AGAP1: variants seen among roughly 807,000 people sequenced by gnomAD.
The protein encoded by AGAP1 is ArfGAP with GTPase domain, ankyrin repeat and PH domain 1.
AGAP1 carries 29 observed loss-of-function variants against 105.3 expected under a neutral mutation model. The ratio of observed to expected loss-of-function variants is 0.28; its 90% confidence interval spans 0.21 to 0.38. AGAP1 has a LOEUF of 0.38. AGAP1 is among the 10% of genes least tolerant of loss of function. The pLI is 1.00. For missense variants in AGAP1, 998 were observed against 1,165.1 expected (o/e 0.86, Z 2.09); for synonymous variants, 509 against 485.9 (o/e 1.05, Z -0.63).
chr2:235,969,747 C>T lies in AGAP1; in HGVS notation c.1645+1124C>T, dbSNP rs570521343. Among the ~76,000 whole-genome samples the T allele has an allele frequency of 2.3e-4, 35 of 152,182 alleles. No individual in the cohort carries two copies. The East Asian group carries it at 3.5e-3, about 15-fold the overall frequency. ...GGTGTGCTGTGTGTTTCCATAACAC[C>T]GGAGGCAGGGAGCATCATTTCTTTC... On this transcript the variant is annotated intron_variant, in intron 13 of 17. Coordinates refer to ENST00000304032, the MANE Select transcript of AGAP1 (RefSeq NM_001037131.3).
rs562998581 is a variant in AGAP1, at chr2:235,973,569, G to A, written c.1645+4946G>A. Among the ~76,000 whole-genome samples, 1 of 152,216 alleles carries A rather than the reference G, an allele frequency of 6.6e-6. No individual in the cohort carries two copies. Among genetic ancestry groups the A allele is most frequent in the Non-Finnish European group, 1.5e-5 (1 of 68,038 alleles). ...CGTGCAGTGACCAGAGAGAAGGGTG[G>A]TGATGAGGATGAGGGCCATGAGGCA... On this transcript the variant is annotated intron_variant, in intron 13 of 17. Coordinates refer to ENST00000304032, the MANE Select transcript of AGAP1 (RefSeq NM_001037131.3). The surrounding 1 kb of genome is among the most constrained non-coding windows in gnomAD (Gnocchi z 4.7).
At chr2:235,677,774 C>T (rs957402431) in intron 1 of AGAP1, among the ~76,000 whole-genome samples, 1 of 151,876 alleles carries the variant, frequency 6.6e-6, no homozygotes, top group Non-Finnish European at 1.5e-5. Flanking sequence ...TGCCGCCAGC[C>T]TTTCTGATGC....
At position 235,720,311 on chromosome 2, in the gene AGAP1, TG is replaced by T. The variant is rs1300410669; in HGVS notation, c.310+2670del. Among the ~76,000 whole-genome samples, 1 of 152,166 alleles carries T rather than the reference TG, an allele frequency of 6.6e-6. No individual in the cohort carries two copies. The highest frequency in any genetic ancestry group is 2.4e-5 in the African/African-American group (1 of 41,448). On this transcript the variant is annotated intron_variant, in intron 3 of 17. Coordinates refer to ENST00000304032, the MANE Select transcript of AGAP1 (RefSeq NM_001037131.3). This position sits in a 1 kb window ranked among gnomAD's most constrained non-coding sequence, Gnocchi z 5.0. ...GAGAAGCTTTAGGTATAGAGTGTTGTGGGTTTGGGATATAATTTACTGTGTT... is the reference window on the plus strand; with the variant it reads ...GAGAAGCTTTAGGTATAGAGTGTTGTGGTTTGGGATATAATTTACTGTGTT...
intron 1 of AGAP1, among the ~76,000 whole-genome samples, chr2:235,654,106 CAGA>C (rs1947699265): frequency 6.6e-6 from 1 of 152,176 alleles, no homozygotes; most frequent in South Asian, 2.1e-4. Flanking sequence ...AATACAGAAG[CAGA>C]AGAAGAATCT....
At chr2:235,602,711 C>CT (rs60766675) in intron 1 of AGAP1, among the ~76,000 whole-genome samples, 7 of 151,670 alleles carry the variant, frequency 4.6e-5, no homozygotes, top group African/African-American at 7.3e-5. Context: ...ATTTCTTTTT[C>CT]TTTTTTTTGA....
rs1357573356 is a variant in AGAP1 at position 235,551,525 on chromosome 2, C to T, written c.163+56676C>T. ...TGATACTCAGATTGGTCTCTAACTC[C>T]TGGGCTCAAGGGATACACCTACCTC... On this transcript the variant is annotated intron_variant, in intron 1 of 17. Transcript: ENST00000304032. The surrounding 1 kb of genome is among the most constrained non-coding windows in gnomAD (Gnocchi z 4.8). Among the ~76,000 whole-genome samples, 1 of 152,176 alleles carries T rather than the reference C, an allele frequency of 6.6e-6. No homozygotes were observed. The highest frequency in any genetic ancestry group is 1.5e-5 in the Non-Finnish European group (1 of 68,038).
chr2:235,679,889 T>C (rs1948967160), intron 1 of AGAP1, among the ~76,000 whole-genome samples: 1 of 152,228 alleles, frequency 6.6e-6, no homozygotes, highest in Admixed American at 6.5e-5. Flanking sequence ...GTAGTAAAGG[T>C]CATTTGGTGA....
Position 235,830,386 on chromosome 2 carries a change from T to G in AGAP1, c.1050+23055T>G, listed in dbSNP as rs891018971. Among the ~76,000 whole-genome samples the G allele has an allele frequency of 1.3e-5, 2 of 152,214 alleles. No individual in the cohort carries two copies. The highest frequency in any genetic ancestry group is 2.9e-5 in the Non-Finnish European group (2 of 68,032). On this transcript the variant is annotated intron_variant, in intron 9 of 17. Transcript: ENST00000304032. This position sits in a 1 kb window ranked among gnomAD's most constrained non-coding sequence, Gnocchi z 5.5. Reference sequence around the variant, plus strand: ...TGTCACTTAGCAGTGTCCACTGTCTTTCTTCAAATCAAGGCCAGTGAATTT... The same window carrying G: ...TGTCACTTAGCAGTGTCCACTGTCTGTCTTCAAATCAAGGCCAGTGAATTT...
rs1941227547 is a variant in AGAP1 at position 235,494,658 on chromosome 2, C to G, written c.-29C>G. On this transcript the variant is annotated 5_prime_UTR_variant, in exon 1 of 18. Transcript: ENST00000304032. ...GGCGCGGGGCGGCGGCGGCGGGGGGCGCGCGGCTCCGGGCGCGGCGCCTGC... is the reference window on the plus strand; with the variant it reads ...GGCGCGGGGCGGCGGCGGCGGGGGGGGCGCGGCTCCGGGCGCGGCGCCTGC... 1.3e-5 allele frequency: 14 copies of G among 1,090,896 alleles called. No homozygotes were observed. The highest frequency in any genetic ancestry group is 1.7e-5 in the African/African-American group (1 of 58,244). The allele number at this position is 1,090,896 out of a possible 1,614,324, so 67.6% of individuals were successfully genotyped here.
chr2:235,992,558 C>T lies in AGAP1; in HGVS notation c.1645+23935C>T, dbSNP rs2055615097. 6.6e-6 allele frequency among the ~76,000 whole-genome samples: 1 copy of T among 152,222 alleles called. No homozygotes were observed. Among genetic ancestry groups the T allele is most frequent in the African/African-American group, 2.4e-5 (1 of 41,468 alleles). On this transcript the variant is annotated intron_variant, in intron 13 of 17. Coordinates refer to ENST00000304032, the MANE Select transcript of AGAP1 (RefSeq NM_001037131.3). This position sits in a 1 kb window ranked among gnomAD's most constrained non-coding sequence, Gnocchi z 4.8. ...TGTATTTTCAGATTTTATTGACTCACCTAAGAAAGGCTCGGGGACACTGTT... is the reference window on the plus strand; with the variant it reads ...TGTATTTTCAGATTTTATTGACTCATCTAAGAAAGGCTCGGGGACACTGTT...
chr2:236,091,964 A>G (rs1014746366), intron 16 of AGAP1, among the ~76,000 whole-genome samples: 1 of 152,228 alleles, frequency 6.6e-6, no homozygotes, highest in Non-Finnish European at 1.5e-5. Flanking sequence ...TTAATACACA[A>G]CAACAACTTA....
chr2:235,930,986 G>A lies in AGAP1; in HGVS notation c.1483+63G>A. The A allele has an allele frequency of 6.4e-7, 1 of 1,568,580 alleles. No individual in the cohort carries two copies. The highest frequency in any genetic ancestry group is 1.2e-5 in the South Asian group (1 of 84,180). ...TCAAGGTCCTTCGTTGTAAGCCAGG[G>A]GCTGGACAGGACGCCCTAAGCTCTC... On this transcript the variant is annotated intron_variant, in intron 12 of 17. Transcript: ENST00000304032. This position sits in a 1 kb window ranked among gnomAD's most constrained non-coding sequence, Gnocchi z 7.9.
chr2:236,028,019 T>C (rs886424548), intron 13 of AGAP1, among the ~76,000 whole-genome samples: 6 of 152,192 alleles, frequency 3.9e-5, no homozygotes, highest in Admixed American at 3.3e-4. Flanking sequence ...TTAGAGTTAT[T>C]GCACGGGACT....
At chr2:235,499,287 A>G (rs546098231) in intron 1 of AGAP1, among the ~76,000 whole-genome samples, 1 of 152,288 alleles carries the variant, frequency 6.6e-6, no homozygotes, top group African/African-American at 2.4e-5. Flanking sequence ...AAAGAACCTA[A>G]AGTATTCTGT....
chr2:235,603,864 A>C (rs751718250), intron 1 of AGAP1, among the ~76,000 whole-genome samples: 1 of 152,160 alleles, frequency 6.6e-6, no homozygotes, highest in African/African-American at 2.4e-5. Flanking sequence ...GGTGGGTCTT[A>C]CCGCATTTGT....
chr2:235,760,285 G>A (rs930152430), intron 6 of AGAP1, among the ~76,000 whole-genome samples: 2 of 152,176 alleles, frequency 1.3e-5, no homozygotes, highest in Admixed American at 6.5e-5. Context: ...AGGCTGAGGA[G>A]GGAGAATCTC....
intron 13 of AGAP1, among the ~76,000 whole-genome samples, chr2:236,024,761 T>G (rs2056999696): frequency 1.3e-5 from 2 of 152,264 alleles, no homozygotes; most frequent in Non-Finnish European, 2.9e-5. Context: ...CCATGGGGCC[T>G]TGTCTGCATA....
chr2:235,736,133 G>A lies in AGAP1; in HGVS notation c.311-4830G>A, dbSNP rs911006648. 2.6e-5 allele frequency among the ~76,000 whole-genome samples: 4 copies of A among 151,456 alleles called. No individual in the cohort carries two copies. The highest frequency in any genetic ancestry group is 4.4e-5 in the Non-Finnish European group (3 of 67,972). On this transcript the variant is annotated intron_variant, in intron 3 of 17. Coordinates refer to ENST00000304032, the MANE Select transcript of AGAP1 (RefSeq NM_001037131.3). The surrounding 1 kb of genome is among the most constrained non-coding windows in gnomAD (Gnocchi z 5.5). ...TGAGATGCGGTCACAGCTGCCCAGC[G>A]ACCTGGTTCCACCTTAGGGTCAGGC...
rs978635815 is a variant in AGAP1, at chr2:235,714,088, A to G, written c.223-3469A>G. On this transcript the variant is annotated intron_variant, in intron 2 of 17. Coordinates refer to ENST00000304032, the MANE Select transcript of AGAP1 (RefSeq NM_001037131.3). This position sits in a 1 kb window ranked among gnomAD's most constrained non-coding sequence, Gnocchi z 4.1. ...GAGTGCGGTGGTGCAATCTCAGCTC[A>G]CTGCAACCTCTGCCTCCCGGGTTCA... Among the ~76,000 whole-genome samples the G allele has an allele frequency of 1.3e-5, 2 of 152,108 alleles. No individual in the cohort carries two copies.
Sources: allele counts gnomAD v4.1 joint callset (sites outside exome capture counted in the v4.1 genomes callset), GRCh38; gene constraint gnomAD v4.1.1; non-coding constraint Gnocchi (gnomAD v3.1); transcripts MANE v1.5; gene names NCBI Gene and HGNC (gene_info 2026-07-23, HGNC 2026-07-21).